INPP4B: variants seen among roughly 807,000 people sequenced by gnomAD.
INPP4B encodes the protein inositol polyphosphate 4-phosphatase type II.
Under a neutral mutation model 122.5 loss-of-function variants are expected in INPP4B, and 55 were observed. The ratio of observed to expected loss-of-function variants is 0.45; its 90% CI spans 0.36 to 0.56. The LOEUF (loss-of-function observed/expected upper bound fraction) is 0.56. Among genes scored for constraint, INPP4B ranks in the 20% least tolerant of loss-of-function variants. The pLI is 0.00. For missense variants in INPP4B, 1,000 were observed against 1,097.7 expected, an observed-to-expected ratio of 0.91 and a Z score of 1.26; for synonymous variants, 403 against 388.7, an observed-to-expected ratio of 1.04 and a Z score of -0.43.
At chr4:142,765,813 TG>T (rs1772031194) in intron 1 of INPP4B, 1 of 151,130 alleles carries the variant, frequency 6.6e-6, no homozygotes, top group South Asian at 2.1e-4. Context: ...TCATAAAACT[TG>T]TGCAAGAAAC....
chr4:142,601,654 CA>C (rs1739957435), intron 2 of INPP4B, among the ~76,000 whole-genome samples: 1 of 145,908 alleles, frequency 6.9e-6, no homozygotes, highest in Non-Finnish European at 1.5e-5. Context: ...ATTAGAAAAA[CA>C]AAAACAAAAC....
At chr4:142,206,636 A>G (rs1842698174) in intron 14 of INPP4B, among the ~76,000 whole-genome samples, 1 of 152,026 alleles carries the variant, frequency 6.6e-6, no homozygotes, top group African/African-American at 2.4e-5. Context: ...TTGAGGTATG[A>G]TTGACATATA....
At chr4:142,685,266 A>G (rs1759180743) in intron 2 of INPP4B, among the ~76,000 whole-genome samples, 1 of 152,112 alleles carries the variant, frequency 6.6e-6, no homozygotes, top group Non-Finnish European at 1.5e-5. Context: ...TACAAGAAGA[A>G]CATTTGAATA....
chr4:142,122,065 C>G (rs534279031), intron 21 of INPP4B, 63 bp downstream of exon 21: 1 of 997,414 alleles, frequency 1.0e-6, no homozygotes, highest in East Asian at 2.6e-5. Flanking sequence ...CTTGCCTCCT[C>G]TGACAGGAGT....
intron 1 of INPP4B, among the ~76,000 whole-genome samples, chr4:142,844,807 A>G (rs1476865239): frequency 6.6e-6 from 1 of 152,336 alleles, no homozygotes; most frequent in African/African-American, 2.4e-5. Flanking sequence ...CATTAAGAAA[A>G]GTCCTTTTTC....
chr4:142,265,662 C>CA lies in INPP4B; in HGVS notation c.615+5000dup, dbSNP rs566325530. Reference sequence around the variant, plus strand: ...TTACAGTTACTTTATCAAAAATTTGCAAAAAAGGTCAAGGTTTACAAATAA... The same window carrying CA: ...TTACAGTTACTTTATCAAAAATTTGCAAAAAAAGGTCAAGGTTTACAAATAA... On this transcript the variant is annotated intron_variant, in intron 10 of 25. Coordinates refer to ENST00000262992, the MANE Select transcript of INPP4B (RefSeq NM_001101669.3). Among the ~76,000 whole-genome samples the CA allele has an allele frequency of 3.2e-4, 49 of 152,094 alleles. 2 individuals carry two copies. In the South Asian group the frequency reaches 6.6e-3, roughly 21 times the overall value.
chr4:142,539,520 C>T (rs981740931), intron 2 of INPP4B, among the ~76,000 whole-genome samples: 14 of 152,082 alleles, frequency 9.2e-5, no homozygotes, highest in African/African-American at 3.1e-4. Flanking sequence ...GGTGTTCTTC[C>T]CTTTGCCGCT....
chr4:142,345,643 T>C (rs978535276), intron 7 of INPP4B, among the ~76,000 whole-genome samples: 1 of 152,064 alleles, frequency 6.6e-6, no homozygotes, highest in Non-Finnish European at 1.5e-5. Context: ...CGAGCAGAGC[T>C]AGATCATCAA....
At chr4:142,030,849 G>T (rs1739471977) in intron 25 of INPP4B, among the ~76,000 whole-genome samples, 1 of 152,122 alleles carries the variant, frequency 6.6e-6, no homozygotes, top group South Asian at 2.1e-4. Flanking sequence ...CATCTGACAT[G>T]CCATCCTTGC....
intron 16 of INPP4B, among the ~76,000 whole-genome samples, chr4:142,163,195 A>T (rs1466616199): frequency 6.6e-6 from 1 of 151,958 alleles, no homozygotes; most frequent in African/African-American, 2.4e-5. Flanking sequence ...ATTAAGTGAA[A>T]AAAAAGAAGA....
chr4:142,639,719 C>T (rs184550008), intron 2 of INPP4B, among the ~76,000 whole-genome samples: 2 of 152,060 alleles, frequency 1.3e-5, no homozygotes, highest in African/African-American at 2.4e-5. Flanking sequence ...GAGTTAGCTA[C>T]TCCTAGCTCT....
At chr4:142,585,794 A>G (rs1736043810) in intron 2 of INPP4B, among the ~76,000 whole-genome samples, 1 of 151,860 alleles carries the variant, frequency 6.6e-6, no homozygotes, top group Non-Finnish European at 1.5e-5. Flanking sequence ...AGAGAGTATA[A>G]GAGATTAGAG....
chr4:142,545,758 T>TGTATATGTGTGTATATATATACACAC (rs1829529763), intron 2 of INPP4B, among the ~76,000 whole-genome samples: 1 of 86,888 alleles, frequency 1.2e-5, no homozygotes, highest in Non-Finnish European at 3.1e-5. Context: ...TATATACACA[T>TGTATATGTGTGTATATATATACACAC]GTATATGTGT....
chr4:142,567,212 A>G (rs1731801807), intron 2 of INPP4B, among the ~76,000 whole-genome samples: 2 of 152,192 alleles, frequency 1.3e-5, no homozygotes, highest in South Asian at 4.1e-4. Context: ...ATTCTGAATA[A>G]CTATACTGTA....
chr4:142,106,016 A>G (rs1176249044), intron 23 of INPP4B, among the ~76,000 whole-genome samples: 1 of 152,174 alleles, frequency 6.6e-6, no homozygotes, highest in Non-Finnish European at 1.5e-5. Context: ...TGTCATCATA[A>G]TTGTATAGAT....
At chr4:142,616,149 C>A (rs1743646578) in intron 2 of INPP4B, among the ~76,000 whole-genome samples, 2 of 151,994 alleles carry the variant, frequency 1.3e-5, no homozygotes, top group Non-Finnish European at 2.9e-5. Context: ...ATAAAGCCCC[C>A]CAACCCTCAC....
intron 1 of INPP4B, among the ~76,000 whole-genome samples, chr4:142,781,790 T>G (rs1316618604): frequency 2.6e-5 from 4 of 151,988 alleles, no homozygotes; most frequent in African/African-American, 9.7e-5. Context: ...AATATAATAC[T>G]AAAATAAAAG....
chr4:142,279,861 T>C (rs1750362357), intron 9 of INPP4B, among the ~76,000 whole-genome samples: 1 of 151,908 alleles, frequency 6.6e-6, no homozygotes, highest in Non-Finnish European at 1.5e-5. Flanking sequence ...ACAAAGAACT[T>C]GTATCCAAAG....
At chr4:142,599,168 C>T (rs1261941701) in intron 2 of INPP4B, among the ~76,000 whole-genome samples, 1 of 152,158 alleles carries the variant, frequency 6.6e-6, no homozygotes, top group African/African-American at 2.4e-5. Context: ...CAATGGTTCC[C>T]AGGTTCCTGA....
Sources: allele counts gnomAD v4.1 joint callset (sites outside exome capture counted in the v4.1 genomes callset), GRCh38; gene constraint gnomAD v4.1.1; transcripts MANE v1.5; gene names NCBI Gene and HGNC (gene_info 2026-07-23, HGNC 2026-07-21).